The following SORBS2 variants were observed in gnomAD, a reference collection of about 807,000 sequenced individuals.
SORBS2 encodes the protein sorbin and SH3 domain containing 2, also known as sorbin and SH3 domain-containing protein 2.
SORBS2 carries 46 observed loss-of-function variants against 97.7 expected under a neutral mutation model. The ratio of observed to expected loss-of-function variants is 0.47; its 90% CI spans 0.37 to 0.60. SORBS2 has a LOEUF of 0.60. SORBS2 is among the 20% of genes least tolerant of loss of function. The pLI is 0.00. For missense variants in SORBS2, 1,316 were observed against 1,282.3 expected (o/e 1.03, Z -0.40); for synonymous variants, 476 against 473.4 (o/e 1.01, Z -0.07).
chr4:185,593,977 G>A, intron 12 of SORBS2, 42 bp from the exon 25 acceptor site: 1 of 1,302,930 alleles, frequency 7.7e-7, no homozygotes, highest in South Asian at 1.2e-5. Context: ...GTTTAAACTG[G>A]TACTAATTAA....
At chr4:185,688,758 T>C (rs1381119013) in intron 2 of SORBS2, among the ~76,000 whole-genome samples, 1 of 113,708 alleles carries the variant, frequency 8.8e-6, no homozygotes, top group Non-Finnish European at 2.2e-5. Context: ...TGTATATATA[T>C]ACATATATAT....
chr4:185,772,758 A>G (rs1183257964), intron 2 of SORBS2: 2 of 152,260 alleles, frequency 1.3e-5, no homozygotes, highest in African/African-American at 2.4e-5. Flanking sequence ...TCATGAAACT[A>G]TAGTAGAAGA....
chr4:185,915,493 G>A (rs761339728), intron 1 of SORBS2, among the ~76,000 whole-genome samples: 55 of 152,202 alleles, frequency 3.6e-4, no homozygotes, highest in Non-Finnish European at 5.9e-5. Flanking sequence ...GCCTGGGGAG[G>A]ACCAGGAGAG....
chr4:185,804,594 T>C (rs1247441622), intron 1 of SORBS2, among the ~76,000 whole-genome samples: 1 of 152,254 alleles, frequency 6.6e-6, no homozygotes, highest in Non-Finnish European at 1.5e-5. Context: ...CCCTACTTTT[T>C]AGTATTTGGT....
Position 185,887,410 on chromosome 4 carries a change from G to A in SORBS2, c.-338+68786C>T, listed in dbSNP as rs2099240219. On this transcript the variant is annotated intron_variant, in intron 1 of 20. Coordinates refer to the SORBS2 transcript ENST00000284776. ...TTGTTTGAAGGGTTGAAAAACTACT[G>A]CTTCGTTAAGAACCACGCTGTGGCT... Among the ~76,000 whole-genome samples the A allele has an allele frequency of 2.0e-5, 3 of 152,196 alleles. No individual in the cohort carries two copies. In the South Asian group the frequency reaches 6.2e-4, roughly 32 times the overall value.
intron 1 of SORBS2, among the ~76,000 whole-genome samples, chr4:185,943,995 G>C (rs2099273354): frequency 6.6e-6 from 1 of 152,200 alleles, no homozygotes; most frequent in African/African-American, 2.4e-5. Context: ...TTTAAATGTT[G>C]AAGGTAAAAA....
chr4:185,893,609 T>C (rs1021341705), intron 1 of SORBS2, among the ~76,000 whole-genome samples: 5 of 152,258 alleles, frequency 3.3e-5, no homozygotes, highest in Non-Finnish European at 5.9e-5. Flanking sequence ...CAGAAGGGCA[T>C]GTGAATTTAT....
At chr4:185,587,618 G>C (rs1189140598) in exon 15 of SORBS2, 1 of 1,612,520 alleles carries the variant, frequency 6.2e-7, no homozygotes, top group Non-Finnish European at 8.5e-7. Flanking sequence ...CAGAAGGAGG[G>C]AGCGCAATTC....
At chr4:185,832,291 A>C (rs1277374482) in intron 1 of SORBS2, among the ~76,000 whole-genome samples, 2 of 152,156 alleles carry the variant, frequency 1.3e-5, no homozygotes, top group Non-Finnish European at 2.9e-5. Flanking sequence ...CATATCTATA[A>C]AAAAGATTGT....
intron 12 of SORBS2, among the ~76,000 whole-genome samples, chr4:185,595,500 AGC>A (rs1377694750): frequency 1.3e-5 from 2 of 152,176 alleles, no homozygotes; most frequent in Non-Finnish European, 2.9e-5. Flanking sequence ...GTCATTGATA[AGC>A]CTGTATCATA....
chr4:185,783,682 G>T (rs1158895598), intron 1 of SORBS2, among the ~76,000 whole-genome samples: 1 of 152,148 alleles, frequency 6.6e-6, no homozygotes, highest in African/African-American at 2.4e-5. Context: ...GTCTCCAGTG[G>T]CAGGCATGAG....
intron 2 of SORBS2, among the ~76,000 whole-genome samples, chr4:185,746,710 C>T (rs918545307): frequency 6.6e-6 from 1 of 152,198 alleles, no homozygotes; most frequent in African/African-American, 2.4e-5. Context: ...CTGTGGTTGA[C>T]ACATGGTGAG....
At chr4:185,941,417 T>C (rs2099271945) in intron 1 of SORBS2, among the ~76,000 whole-genome samples, 1 of 152,156 alleles carries the variant, frequency 6.6e-6, no homozygotes, top group African/African-American at 2.4e-5. Context: ...TAATATACTA[T>C]CTCCATGAGA....
chr4:185,605,616 G>C (rs576570181), intron 12 of SORBS2, among the ~76,000 whole-genome samples: 2 of 150,520 alleles, frequency 1.3e-5, no homozygotes, highest in South Asian at 4.2e-4. Flanking sequence ...ATGGAGTCTC[G>C]CTCTGTCACC....
exon 11 of SORBS2, chr4:185,614,905 G>A (rs751646521): frequency 6.2e-7 from 1 of 1,613,994 alleles, no homozygotes; most frequent in Non-Finnish European, 8.5e-7. Flanking sequence ...ATTTCTCCGG[G>A]CTGGGCTGGC....
intron 12 of SORBS2, among the ~76,000 whole-genome samples, chr4:185,599,916 C>G (rs61217267): frequency 6.6e-6 from 1 of 152,054 alleles, no homozygotes; most frequent in African/African-American, 2.4e-5. Flanking sequence ...GGCCAGGATG[C>G]CTGCCACAAA....
chr4:185,924,477 T>G (rs1281932653), intron 1 of SORBS2, among the ~76,000 whole-genome samples: 1 of 152,220 alleles, frequency 6.6e-6, no homozygotes, highest in Non-Finnish European at 1.5e-5. Context: ...CGGCAAGCTT[T>G]GATATGCAAA....
chr4:185,815,904 G>T (rs1422158925), intron 1 of SORBS2, among the ~76,000 whole-genome samples: 1 of 152,112 alleles, frequency 6.6e-6, no homozygotes, highest in Non-Finnish European at 1.5e-5. Context: ...TTTAAAAAAT[G>T]AAATAAAATG....
At chr4:185,721,649 T>C (rs1024403819) in intron 2 of SORBS2, among the ~76,000 whole-genome samples, 1 of 152,164 alleles carries the variant, frequency 6.6e-6, no homozygotes, top group Non-Finnish European at 1.5e-5. Flanking sequence ...TTGGGCACAG[T>C]TTCAAAGTCA....
Sources: gnomAD v4.1 joint callset for allele counts (sites outside exome capture counted in the v4.1 genomes callset) on GRCh38, gnomAD v4.1.1 for gene constraint, MANE v1.5 for transcripts, NCBI Gene and HGNC (gene_info 2026-07-23, HGNC 2026-07-21) for gene names.